Variants in RYR2 observed in about 807,000 individuals in gnomAD.
RYR2 encodes the protein cardiac muscle ryanodine receptor-calcium release channel.
Under a neutral mutation model 601.1 loss-of-function variants are expected in RYR2, and 227 were observed. The observed-to-expected ratio is 0.38, with a 90% CI of 0.34 to 0.42. The LOEUF (loss-of-function observed/expected upper bound fraction) is 0.42, where lower values mean the gene tolerates loss of function less well. Ranked by LOEUF, RYR2 falls within the 10% of genes least tolerant of loss-of-function variation. The probability of loss-of-function intolerance (pLI) is 1.00; values close to 1 mark genes in which losing one functional copy is unlikely to be tolerated. For synonymous variants in RYR2, 2,223 were observed against 2,175.1 expected (o/e 1.02, Z -0.61); for missense variants, 4,646 against 6,156.5 (o/e 0.75, Z 8.21).
chr1:237,680,378 C>A, intron 61 of RYR2, 78 bp from the exon 62 acceptor site: 1 of 1,250,034 alleles, frequency 8.0e-7, no homozygotes, highest in Non-Finnish European at 1.1e-6. Flanking sequence ...AGAACTCTGA[C>A]TGCTCCAAAG....
intron 101 of RYR2, among the ~76,000 whole-genome samples, chr1:237,820,929 C>G (rs1057370718): frequency 3.9e-5 from 6 of 152,186 alleles, no homozygotes; most frequent in African/African-American, 1.2e-4. Flanking sequence ...GGGTGGAGCC[C>G]ACTGCAGCTC....
intron 14 of RYR2, among the ~76,000 whole-genome samples, chr1:237,447,368 T>G (rs944931576): frequency 4.6e-5 from 7 of 152,204 alleles, no homozygotes; most frequent in Non-Finnish European, 1.0e-4. Flanking sequence ...GAAGAATAAT[T>G]TTAAAATTTA....
chr1:237,292,588 G>T (rs1053937354), intron 2 of RYR2, among the ~76,000 whole-genome samples: 9 of 152,138 alleles, frequency 5.9e-5, no homozygotes, highest in African/African-American at 2.2e-4. Context: ...GGAAAATTAT[G>T]CTGGATTTGC....
chr1:237,592,913 C>A (rs1035617041), intron 32 of RYR2, among the ~76,000 whole-genome samples: 5 of 142,630 alleles, frequency 3.5e-5, no homozygotes, highest in South Asian at 2.3e-4. Context: ...CCCAGCTACT[C>A]GGGAGGCTGA....
intron 21 of RYR2, among the ~76,000 whole-genome samples, chr1:237,501,579 C>G (rs139915104): frequency 3.3e-5 from 5 of 152,270 alleles, no homozygotes; most frequent in Non-Finnish European, 5.9e-5. Context: ...TACACACACA[C>G]ACCTGTACAC....
chr1:237,460,025 G>A lies in RYR2; in HGVS notation c.1612+3290G>A, dbSNP rs181967600. 1.7e-3 allele frequency among the ~76,000 whole-genome samples: 265 copies of A among 152,238 alleles called. 2 individuals carry two copies. The highest frequency in any genetic ancestry group is 2.2e-3 in the Non-Finnish European group (147 of 68,024). ...GATTTTGGGGCTTGCACAGCTCGCC[G>A]TCTACCAGTGGGTTTGACACAATGG... On this transcript the variant is annotated intron_variant, in intron 16 of 104. Coordinates refer to ENST00000366574, the MANE Select transcript of RYR2 (RefSeq NM_001035.3).
intron 4 of RYR2, among the ~76,000 whole-genome samples, chr1:237,356,746 C>G (rs1006928195): frequency 6.6e-6 from 1 of 152,094 alleles, no homozygotes; most frequent in Non-Finnish European, 1.5e-5. Flanking sequence ...CACCAAGGTA[C>G]CTTCCAATAC....
chr1:237,629,712 A>G (rs1001920339), intron 41 of RYR2, among the ~76,000 whole-genome samples: 2 of 152,190 alleles, frequency 1.3e-5, no homozygotes, highest in East Asian at 3.8e-4. Context: ...TCTTTGACAG[A>G]ACTCAAATAC....
At chr1:237,104,572 C>G (rs1160525683) in intron 1 of RYR2, among the ~76,000 whole-genome samples, 1 of 152,156 alleles carries the variant, frequency 6.6e-6, no homozygotes, top group Non-Finnish European at 1.5e-5. Flanking sequence ...GTTCCCTTGC[C>G]TTTTTTTCTT....
At chr1:237,155,025 A>G (rs1324720607) in intron 1 of RYR2, among the ~76,000 whole-genome samples, 1 of 152,110 alleles carries the variant, frequency 6.6e-6, no homozygotes, top group Non-Finnish European at 1.5e-5. Flanking sequence ...TCCAAGCCTC[A>G]AGGATCCTTA....
intron 1 of RYR2, among the ~76,000 whole-genome samples, chr1:237,145,040 G>A (rs1673837199): frequency 6.6e-6 from 1 of 151,964 alleles, no homozygotes; most frequent in South Asian, 2.1e-4. Context: ...GACACAGGGA[G>A]GGGAACATCA....
At chr1:237,810,818 A>ATTAAATTACAT (rs1661176401) in intron 100 of RYR2, among the ~76,000 whole-genome samples, 1 of 130,428 alleles carries the variant, frequency 7.7e-6, no homozygotes, top group African/African-American at 2.8e-5. Flanking sequence ...TTACATTTTA[A>ATTAAATTACAT]TTAAATTACA....
chr1:237,537,746 T>C (rs1668803717), intron 25 of RYR2, among the ~76,000 whole-genome samples: 1 of 152,192 alleles, frequency 6.6e-6, no homozygotes, highest in East Asian at 1.9e-4. Context: ...AAAAGCATGT[T>C]ACCAAAAAGA....
Position 237,809,019 on chromosome 1 carries a change from GT to G in RYR2, c.14418del (p.Cys4806TrpfsTer5). The stretch of plus-strand genomic sequence containing the variant: ...GATGGTGATACACCAGATATGAAAT[GT>G]GACGATATGCTAACAGTAAGTTCAT... ...SEDGDTPDMK[C>X]DDMLTCYMFH... On this transcript the variant is annotated frameshift_variant, in exon 100 of 105. Transcript: ENST00000366574. LOFTEE classifies it high-confidence loss of function. The G allele has an allele frequency of 6.2e-7, 1 of 1,613,404 alleles. No homozygotes were observed. The highest frequency in any genetic ancestry group is 8.5e-7 in the Non-Finnish European group (1 of 1,179,542).
chr1:237,500,600 T>C (rs1174989968), intron 20 of RYR2, 111 bp from the exon 21 acceptor site: 2 of 789,618 alleles, frequency 2.5e-6, no homozygotes, highest in Non-Finnish European at 4.1e-6. Context: ...TTCCTTCTGA[T>C]GTTGTGCATT....
intron 2 of RYR2, among the ~76,000 whole-genome samples, chr1:237,304,850 T>G (rs1310626311): frequency 6.6e-6 from 1 of 152,122 alleles, no homozygotes; most frequent in Admixed American, 6.5e-5. Flanking sequence ...ATATCTAGAA[T>G]ACATAGAGTA....
intron 1 of RYR2, among the ~76,000 whole-genome samples, chr1:237,125,457 A>C (rs965534541): frequency 3.3e-5 from 5 of 151,826 alleles, no homozygotes; most frequent in African/African-American, 1.2e-4. Context: ...ATAGATCCTT[A>C]CTGCTTCATT....
chr1:237,087,483 T>C (rs1458162198), intron 1 of RYR2, among the ~76,000 whole-genome samples: 1 of 152,164 alleles, frequency 6.6e-6, no homozygotes, highest in Admixed American at 6.5e-5. Context: ...ATGCAAAATG[T>C]GAGAAGTATA....
intron 62 of RYR2, 151 bp from the exon 63 acceptor site, chr1:237,687,304 G>T (rs1686481999): frequency 3.3e-6 from 2 of 607,974 alleles, no homozygotes; most frequent in Non-Finnish European, 2.9e-6. Context: ...TTCTTTCTGC[G>T]TGACATCATG....
Sources: gnomAD v4.1 joint callset for allele counts (sites outside exome capture counted in the v4.1 genomes callset) on GRCh38, gnomAD v4.1.1 for gene constraint, MANE v1.5 for transcripts, NCBI Gene and HGNC (gene_info 2026-07-23, HGNC 2026-07-21) for gene names.